The following ZNF540 variants were observed in gnomAD, a reference collection of about 807,000 sequenced individuals.
ZNF540 encodes the protein zinc finger protein 540.
ZNF540 carries 3 observed loss-of-function variants against 11.8 expected under a neutral mutation model. The observed-to-expected ratio is 0.25, with a 90% CI of 0.12 to 0.65. The LOEUF (loss-of-function observed/expected upper bound fraction) is 0.65, where lower values mean the gene tolerates loss of function less well. Ranked by LOEUF, ZNF540 falls within the 30% of genes least tolerant of loss-of-function variation. The pLI, the probability that ZNF540 is intolerant of heterozygous loss-of-function variation, is 0.83. For synonymous variants in ZNF540, 247 were observed against 259.0 expected (o/e 0.95, Z 0.45); for missense variants, 709 against 793.1 (o/e 0.89, Z 1.27).
At chr19:37,583,960 G>T (rs1300952935) in intron 1 of ZNF540, 3 of 1,592,114 alleles carry the variant, frequency 1.9e-6, no homozygotes, top group Non-Finnish European at 2.6e-6. Flanking sequence ...TATTACGTAG[G>T]ATGATCTTAC....
intron 1 of ZNF540, among the ~76,000 whole-genome samples, chr19:37,577,935 A>AGAGCAGGAGGT (rs1441011563): frequency 6.6e-6 from 1 of 152,180 alleles, no homozygotes; most frequent in South Asian, 2.1e-4. Flanking sequence ...ACCGAACTGC[A>AGAGCAGGAGGT]GAGCAGGAGG....
In ZNF540 at chr19:37,612,161, C is replaced by G. The variant is rs763824475; in HGVS notation, c.881C>G (p.Thr294Ser). 5.6e-6 allele frequency: 9 copies of G among 1,611,480 alleles called. No individual in the cohort carries two copies. In the South Asian group the frequency reaches 7.7e-5, roughly 14 times the overall value. Residue 294 changes from threonine (T) to serine (S), a missense_variant, in exon 5 of 5, where the codon ACT becomes AGT. Transcript: ENST00000316433. The part of the protein sequence containing the change: ...LELTQHKRIH[T>S]GKKSYECKEC... Reference sequence around the variant, plus strand: ...CTTACTCAACATAAAAGAATTCATACTGGTAAGAAATCTTATGAATGTAAA... The same window carrying G: ...CTTACTCAACATAAAAGAATTCATAGTGGTAAGAAATCTTATGAATGTAAA...
intron 1 of ZNF540, chr19:37,560,244 C>A (rs1022105758): frequency 6.6e-6 from 1 of 151,272 alleles, no homozygotes; most frequent in African/African-American, 2.4e-5. Context: ...CGCCACTGCA[C>A]TCCAGCCTGG....
upstream of ZNF540, among the ~76,000 whole-genome samples, chr19:37,590,256 A>T (rs183765375): frequency 3.6e-4 from 55 of 151,932 alleles, no homozygotes; most frequent in African/African-American, 1.2e-3. Context: ...AAAAAATAAA[A>T]ATAAAAAAAA....
intron 1 of ZNF540, chr19:37,565,814 C>T (rs1197797314): frequency 1.2e-6 from 2 of 1,609,804 alleles, no homozygotes; most frequent in African/African-American, 1.4e-5. Flanking sequence ...AGAAGTACGA[C>T]CAAAGGCCTT....
At chr19:37,566,364 T>G in intron 1 of ZNF540, 1 of 1,473,872 alleles carries the variant, frequency 6.8e-7, no homozygotes, top group Non-Finnish European at 9.1e-7. Context: ...GTAAAAATGA[T>G]AGATGAAAAT....
At chr19:37,598,797 G>T (rs904818408) in intron 2 of ZNF540, among the ~76,000 whole-genome samples, 9 of 35,064 alleles carry the variant, frequency 2.6e-4, no homozygotes, top group African/African-American at 8.5e-4. Flanking sequence ...CACAGATCCT[G>T]TGTCTGTAGA....
intron 1 of ZNF540, among the ~76,000 whole-genome samples, chr19:37,574,135 T>C (rs2043163406): frequency 1.3e-5 from 2 of 152,212 alleles, no homozygotes; most frequent in Admixed American, 6.5e-5. Context: ...TATTTAAAAC[T>C]ATACTCTTTA....
At position 37,613,011 on chromosome 19, in the gene ZNF540, A is replaced by G. The variant is rs1568370163; in HGVS notation, c.1731A>G (p.Lys577=). ...TEHQKIHTGV[K]PYKCKECGKA... The stretch of plus-strand genomic sequence containing the variant: ...ATCAGAAAATTCATACGGGTGTAAA[A>G]CCATACAAATGTAAAGAATGTGGGA... Residue 577 remains lysine, a synonymous_variant, in exon 5 of 5, where the codon AAA becomes AAG. Transcript: ENST00000316433. The G allele has an allele frequency of 1.2e-6, 2 of 1,614,134 alleles. No homozygotes were observed.
intron 4 of ZNF540, among the ~76,000 whole-genome samples, chr19:37,609,864 AAG>A: frequency 6.6e-6 from 1 of 152,086 alleles, no homozygotes. Flanking sequence ...TAAAGAAAGA[AAG>A]AAAAAAAAAG....
chr19:37,581,052 A>G (rs903552844), intron 1 of ZNF540, among the ~76,000 whole-genome samples: 1 of 152,250 alleles, frequency 6.6e-6, no homozygotes, highest in Non-Finnish European at 1.5e-5. Flanking sequence ...ATTTACTTCA[A>G]TTGAAATTTT....
chr19:37,581,873 TG>T lies in ZNF540; in HGVS notation c.-72-16501del, dbSNP rs758856719. 3.7e-3 allele frequency among the ~76,000 whole-genome samples: 557 copies of T among 152,198 alleles called. 2 individuals are homozygous for T. The highest frequency in any genetic ancestry group is 3.4e-3 in the Non-Finnish European group (233 of 67,988). On this transcript the variant is annotated intron_variant, in intron 1 of 4. Coordinates refer to the ZNF540 transcript ENST00000592533. ...GGAGCTGCAGGGTGAACCAGGAGAA[TG>T]GCAAAACTTCTCAAGAGGTATGCAT...
chr19:37,562,549 A>T (rs2042729717), intron 1 of ZNF540: 1 of 151,986 alleles, frequency 6.6e-6, no homozygotes, highest in Non-Finnish European at 1.5e-5. Flanking sequence ...TTGGAATCAT[A>T]GAAGAACTGT....
upstream of ZNF540, chr19:37,594,530 C>T (rs1262656780): frequency 6.6e-6 from 1 of 152,286 alleles, no homozygotes; most frequent in African/African-American, 2.4e-5. Context: ...GCACCACACC[C>T]CCGCCACTGC....
At chr19:37,552,803 C>T (rs1236224254) in intron 1 of ZNF540, among the ~76,000 whole-genome samples, 1 of 151,876 alleles carries the variant, frequency 6.6e-6, no homozygotes, top group African/African-American at 2.4e-5. Context: ...CAAAATTAGC[C>T]GAGTGTGGTG....
chr19:37,557,383 T>TGTACATGCACCGTAGCAAAGGC (rs987542356), intron 1 of ZNF540, among the ~76,000 whole-genome samples: 5 of 152,232 alleles, frequency 3.3e-5, no homozygotes, highest in Admixed American at 6.5e-5. Flanking sequence ...GATGGCTCCA[T>TGTACATGCACCGTAGCAAAGGC]GTACATGCAC....
intron 1 of ZNF540, chr19:37,565,903 G>C (rs1568341652): frequency 6.2e-7 from 1 of 1,613,820 alleles, no homozygotes; most frequent in Non-Finnish European, 8.5e-7. Context: ...TTTTGCTAAA[G>C]GTATTCCTGT....
intron 4 of ZNF540, among the ~76,000 whole-genome samples, chr19:37,607,628 A>G (rs1246659156): frequency 6.6e-6 from 1 of 152,192 alleles, no homozygotes; most frequent in Non-Finnish European, 1.5e-5. Context: ...AGTTTCCTCA[A>G]CATCTTTTTG....
In ZNF540 at chr19:37,613,335, A is replaced by G. The variant is rs2044148586; in HGVS notation, c.*72A>G. On this transcript the variant is annotated 3_prime_UTR_variant, in exon 5 of 5. Transcript: ENST00000316433. Reference sequence around the variant, plus strand: ...ATATTTATGGCCAGAAGTTCTGTCAATGTGTTGATGTTTTTTTACACATAT... The same window carrying G: ...ATATTTATGGCCAGAAGTTCTGTCAGTGTGTTGATGTTTTTTTACACATAT... The G allele has an allele frequency of 2.7e-6, 3 of 1,113,622 alleles. No homozygotes were observed. The highest frequency in any genetic ancestry group is 3.1e-5 in the African/African-American group (2 of 63,730). The allele number at this position is 1,113,622 out of a possible 1,614,324, so 69.0% of individuals were successfully genotyped here.
Sources: gnomAD v4.1 joint callset for allele counts (sites outside exome capture counted in the v4.1 genomes callset) on GRCh38, gnomAD v4.1.1 for gene constraint, MANE v1.5 for transcripts, NCBI Gene and HGNC (gene_info 2026-07-23, HGNC 2026-07-21) for gene names.